The following DPP10 variants were observed in gnomAD, a reference collection of about 807,000 sequenced individuals.
The protein encoded by DPP10 is dipeptidyl peptidase like 10.
A neutral mutation model predicts 120.9 loss-of-function variants in DPP10; 33 were observed. The observed-to-expected ratio is 0.27, with a 90% confidence interval of 0.21 to 0.37. DPP10 has a LOEUF of 0.37. Ranked by LOEUF, DPP10 falls within the 10% of genes least tolerant of loss-of-function variation. DPP10 has a pLI of 1.00. For missense variants in DPP10, 816 were observed against 942.8 expected, an observed-to-expected ratio of 0.87 and a Z score of 1.76; for synonymous variants, 337 against 326.1, an observed-to-expected ratio of 1.03 and a Z score of -0.36.
chr2:115,518,013 G>T (rs2077592823), intron 4 of DPP10, among the ~76,000 whole-genome samples: 1 of 152,180 alleles, frequency 6.6e-6, no homozygotes, highest in Non-Finnish European at 1.5e-5. Flanking sequence ...TGCATGTGCA[G>T]AGATAACATG....
At chr2:114,819,816 T>C (rs1685945333) in intron 1 of DPP10, among the ~76,000 whole-genome samples, 1 of 152,206 alleles carries the variant, frequency 6.6e-6, no homozygotes, top group Non-Finnish European at 1.5e-5. Flanking sequence ...CAGTGTGGCA[T>C]CCAAATTGGA....
At chr2:114,757,115 GCAGA>G (rs1558708934) in intron 1 of DPP10, among the ~76,000 whole-genome samples, 1 of 148,670 alleles carries the variant, frequency 6.7e-6, no homozygotes, top group Non-Finnish European at 1.5e-5. Context: ...AGGAAGGGAG[GCAGA>G]CAGAAGGGAA....
At chr2:114,521,790 T>C (rs1287801410) in intron 1 of DPP10, among the ~76,000 whole-genome samples, 1 of 148,948 alleles carries the variant, frequency 6.7e-6, no homozygotes, top group Non-Finnish European at 1.5e-5. Context: ...TAATTATAGA[T>C]ACTATTATCC....
At chr2:114,548,596 A>G (rs1406140738) in intron 1 of DPP10, among the ~76,000 whole-genome samples, 4 of 152,196 alleles carry the variant, frequency 2.6e-5, no homozygotes, top group Non-Finnish European at 4.4e-5. Flanking sequence ...AAGCATGGAA[A>G]TCTAGGTTGG....
chr2:115,247,652 A>G (rs2058591825), intron 1 of DPP10, among the ~76,000 whole-genome samples: 1 of 152,100 alleles, frequency 6.6e-6, no homozygotes, highest in Non-Finnish European at 1.5e-5. Context: ...GGTGTCTTGC[A>G]TTGAGTACTT....
chr2:114,646,809 C>A (rs550014480), intron 1 of DPP10, among the ~76,000 whole-genome samples: 1 of 152,160 alleles, frequency 6.6e-6, no homozygotes, highest in African/African-American at 2.4e-5. Flanking sequence ...GATTTCTTGG[C>A]CTTTCTCTTT....
intron 11 of DPP10, among the ~76,000 whole-genome samples, chr2:115,761,270 A>T (rs1680084539): frequency 6.6e-6 from 1 of 152,146 alleles, no homozygotes; most frequent in Non-Finnish European, 1.5e-5. Context: ...GTAAAAATTT[A>T]AAAATTAGCC....
At chr2:115,562,277 T>C (rs2080736449) in intron 5 of DPP10, among the ~76,000 whole-genome samples, 1 of 152,216 alleles carries the variant, frequency 6.6e-6, no homozygotes, top group Admixed American at 6.5e-5. Context: ...TCTCTTCATC[T>C]CTACCTCTGC....
chr2:115,403,017 C>T (rs985010286), intron 3 of DPP10, among the ~76,000 whole-genome samples: 2 of 148,734 alleles, frequency 1.3e-5, no homozygotes, highest in East Asian at 2.0e-4. Context: ...AAATCCTCAA[C>T]GAAACTATTA....
At chr2:115,614,712 G>A (rs1000237922) in intron 5 of DPP10, among the ~76,000 whole-genome samples, 4 of 152,140 alleles carry the variant, frequency 2.6e-5, no homozygotes, top group Admixed American at 2.0e-4. Context: ...GCTAGGGGGA[G>A]GAATTCTAAC....
intron 5 of DPP10, among the ~76,000 whole-genome samples, chr2:115,680,985 G>T (rs2090612062): frequency 6.6e-6 from 1 of 151,828 alleles, no homozygotes; most frequent in African/African-American, 2.4e-5. Flanking sequence ...AGGTCTAAAT[G>T]ATTTGTTGTT....
chr2:115,429,633 T>G (rs544169476), intron 3 of DPP10, among the ~76,000 whole-genome samples: 1 of 152,292 alleles, frequency 6.6e-6, no homozygotes, highest in South Asian at 2.1e-4. Context: ...AAAATAAACA[T>G]TAACTAAGTG....
intron 1 of DPP10, among the ~76,000 whole-genome samples, chr2:114,972,171 A>G (rs1158736678): frequency 6.6e-6 from 1 of 152,156 alleles, no homozygotes; most frequent in African/African-American, 2.4e-5. Flanking sequence ...AGCAGCTGTG[A>G]ACTTGTTCTC....
At position 114,802,263 on chromosome 2, in the gene DPP10, G is replaced by T. The variant is rs1226800813; in HGVS notation, c.60+359425G>T. Among the ~76,000 whole-genome samples, 4 of 152,158 alleles carry T rather than the reference G, an allele frequency of 2.6e-5. No homozygotes were observed. The South Asian group carries it at 6.2e-4, about 24-fold the overall frequency. ...TGCATAATTTATAATGAGAGGGCAGGTATAAATATAGGTAATAAGGGATGA... is the reference window on the plus strand; with the variant it reads ...TGCATAATTTATAATGAGAGGGCAGTTATAAATATAGGTAATAAGGGATGA... On this transcript the variant is annotated intron_variant, in intron 1 of 25. Coordinates refer to ENST00000410059, the MANE Select transcript of DPP10 (RefSeq NM_020868.6).
At chr2:114,886,873 G>T (rs1429439737) in intron 1 of DPP10, among the ~76,000 whole-genome samples, 1 of 152,066 alleles carries the variant, frequency 6.6e-6, no homozygotes, top group African/African-American at 2.4e-5. Flanking sequence ...GTCAATAAAC[G>T]CTTTCTCAAT....
chr2:114,607,593 A>G (rs1573778310), intron 1 of DPP10, among the ~76,000 whole-genome samples: 2 of 152,274 alleles, frequency 1.3e-5, no homozygotes, highest in South Asian at 2.1e-4. Context: ...ATCTCATCCT[A>G]GTAGTCAACA....
At chr2:115,793,155 T>C (rs1220635731) in intron 19 of DPP10, among the ~76,000 whole-genome samples, 1 of 152,140 alleles carries the variant, frequency 6.6e-6, no homozygotes, top group Non-Finnish European at 1.5e-5. Context: ...CTTCTCTTAT[T>C]GGCAAGGGGC....
intron 1 of DPP10, among the ~76,000 whole-genome samples, chr2:114,940,941 TA>T (rs1024053233): frequency 2.0e-5 from 3 of 152,190 alleles, no homozygotes; most frequent in African/African-American, 7.2e-5. Context: ...CTTACATCCT[TA>T]TTCATGTGAC....
chr2:114,577,120 A>G (rs531710752), intron 1 of DPP10, among the ~76,000 whole-genome samples: 17 of 152,322 alleles, frequency 1.1e-4, no homozygotes, highest in African/African-American at 4.1e-4. Context: ...CAGAATGGTG[A>G]TATGTATGTT....
Sources: allele counts gnomAD v4.1 joint callset (sites outside exome capture counted in the v4.1 genomes callset), GRCh38; gene constraint gnomAD v4.1.1; transcripts MANE v1.5; gene names NCBI Gene and HGNC (gene_info 2026-07-23, HGNC 2026-07-21).